Variants in SPATA13 observed in about 807,000 individuals in gnomAD.
SPATA13 encodes the protein spermatogenesis associated 13.
SPATA13 carries 50 observed loss-of-function variants against 104.0 expected under a neutral mutation model. That is an observed-to-expected ratio of 0.48 (90% CI 0.38 to 0.61). The LOEUF (loss-of-function observed/expected upper bound fraction) is 0.61. Ranked by LOEUF, SPATA13 falls within the 20% of genes least tolerant of loss-of-function variation. The pLI is 0.00. For synonymous variants in SPATA13, 606 were observed against 667.5 expected, an observed-to-expected ratio of 0.91 and a Z score of 1.42; for missense variants, 1,524 against 1,690.6, an observed-to-expected ratio of 0.90 and a Z score of 1.73.
chr13:24,251,255 G>T (rs2138663369), intron 3 of SPATA13, among the ~76,000 whole-genome samples: 1 of 152,306 alleles, frequency 6.6e-6, no homozygotes, highest in Non-Finnish European at 1.5e-5. Flanking sequence ...CTCTGTGTCG[G>T]TGGGGAGGAG....
rs190605153 is a variant in SPATA13 at position 24,233,966 on chromosome 13, A to C, written c.1653+9384A>C. Among the ~76,000 whole-genome samples the C allele has an allele frequency of 3.3e-5, 5 of 152,162 alleles. No homozygotes were observed. In the East Asian group the frequency reaches 9.6e-4, roughly 29 times the overall value. The stretch of plus-strand genomic sequence containing the variant: ...TTCTACAAATGCAGAATCTAAATAA[A>C]ATTATCGTATACCTGTAGTTTTGAA... On this transcript the variant is annotated intron_variant, in intron 2 of 12. Transcript: ENST00000382108.
intron 3 of SPATA13, among the ~76,000 whole-genome samples, chr13:24,057,592 G>A (rs1012668514): frequency 6.8e-6 from 1 of 146,548 alleles, no homozygotes; most frequent in African/African-American, 2.4e-5. Context: ...TACCTTGTTG[G>A]GGCATAAACT....
At chr13:24,017,132 A>G (rs935749395) in intron 2 of SPATA13, among the ~76,000 whole-genome samples, 1 of 152,208 alleles carries the variant, frequency 6.6e-6, no homozygotes, top group Non-Finnish European at 1.5e-5. Context: ...TAACATCAGT[A>G]GATGAGTGAG....
chr13:24,117,422 A>C (rs1417563277), intron 3 of SPATA13, among the ~76,000 whole-genome samples: 4 of 152,170 alleles, frequency 2.6e-5, no homozygotes, highest in East Asian at 3.8e-4. Context: ...CTATTATGCC[A>C]CTACAGATGA....
At position 24,223,077 on chromosome 13, in the gene SPATA13, G is replaced by A; in HGVS notation, c.148G>A (p.Gly50Arg). The A allele has an allele frequency of 1.3e-6, 2 of 1,551,728 alleles. No homozygotes were observed. Among genetic ancestry groups the A allele is most frequent in the African/African-American group, 2.7e-5 (2 of 73,174 alleles). The change falls in exon 2 of 13, where the codon GGA becomes AGA. Residue 50 changes from glycine (G) to arginine (R), a missense_variant. Physicochemically the swap from Gly to Arg is moderately radical, Grantham distance 125. Transcript: ENST00000382108. ...GGTGACCTCCCTTGCGTGTGGAAAT[G>A]GAGTCTGTGGCTGCAGCCCTGGTGG... ...KMVTSLACGN[G>R]VCGCSPGGDT...
intron 2 of SPATA13, among the ~76,000 whole-genome samples, chr13:24,246,828 A>G (rs976111633): frequency 6.6e-6 from 1 of 151,832 alleles, no homozygotes; most frequent in Non-Finnish European, 1.5e-5. Flanking sequence ...ACACCACTGC[A>G]CTCCAGCCTG....
At chr13:24,157,780 A>G (rs1271221625), upstream of SPATA13, among the ~76,000 whole-genome samples, 3 of 152,086 alleles carry the variant, frequency 2.0e-5, no homozygotes, top group Admixed American at 6.5e-5. Flanking sequence ...CTTCTCCCCA[A>G]CCCTGGGGGA....
chr13:24,145,870 GGA>G (rs1460764841), intron 3 of SPATA13, among the ~76,000 whole-genome samples: 2 of 152,208 alleles, frequency 1.3e-5, no homozygotes, highest in East Asian at 1.9e-4. Context: ...GGGGCTTGGA[GGA>G]GAGAGAGCTC....
intron 3 of SPATA13, among the ~76,000 whole-genome samples, chr13:24,111,498 TC>T (rs1274828995): frequency 6.7e-6 from 1 of 149,302 alleles, no homozygotes; most frequent in Non-Finnish European, 1.5e-5. Flanking sequence ...GCCTCAACCT[TC>T]CCAGCTCAAG....
chr13:24,257,325 C>T (rs1393188115), intron 4 of SPATA13, among the ~76,000 whole-genome samples: 1 of 152,160 alleles, frequency 6.6e-6, no homozygotes, highest in East Asian at 1.9e-4. Flanking sequence ...CACACCCGTG[C>T]ACCAAAGTCA....
At chr13:24,287,707 C>CA (rs1440044065) in intron 7 of SPATA13, among the ~76,000 whole-genome samples, 1 of 152,220 alleles carries the variant, frequency 6.6e-6, no homozygotes, top group Non-Finnish European at 1.5e-5. Flanking sequence ...ATTCTATTGT[C>CA]ATGCTATTCT....
Position 24,286,723 on chromosome 13 carries a change from T to G in SPATA13, c.2482-42T>G. The G allele has an allele frequency of 6.3e-7, 1 of 1,588,664 alleles. No individual in the cohort carries two copies. Among genetic ancestry groups the G allele is most frequent in the Non-Finnish European group, 8.6e-7 (1 of 1,163,810 alleles). ...CTCCTGCCTCTGCTCCATGCTGCCC[T>G]CCCCTGCCCCAAGTCACCTGTCCCC... is the stretch of plus-strand genomic sequence containing the variant. On this transcript the variant is annotated intron_variant, in intron 6 of 12. Coordinates refer to ENST00000382108, the MANE Select transcript of SPATA13 (RefSeq NM_001166271.3). This position sits in a 1 kb window ranked among gnomAD's most constrained non-coding sequence, Gnocchi z 4.9.
chr13:24,159,279 T>C (rs573285176), upstream of SPATA13, among the ~76,000 whole-genome samples: 3 of 152,346 alleles, frequency 2.0e-5, no homozygotes, highest in Admixed American at 2.0e-4. Flanking sequence ...GTTTGGTTTT[T>C]ATATTTTTTC....
chr13:24,165,320 T>A (rs904214545), intron 1 of SPATA13, among the ~76,000 whole-genome samples: 1 of 152,104 alleles, frequency 6.6e-6, no homozygotes, highest in African/African-American at 2.4e-5. Flanking sequence ...CCCACCAGCA[T>A]CCATCTGCAC....
At chr13:24,184,828 ACTT>A (rs1227394219) in intron 1 of SPATA13, among the ~76,000 whole-genome samples, 3 of 152,198 alleles carry the variant, frequency 2.0e-5, no homozygotes, top group African/African-American at 7.2e-5. Context: ...TTAATAAAAT[ACTT>A]CTTTAGTTAT....
At chr13:24,068,079 T>C (rs1239637306) in intron 3 of SPATA13, among the ~76,000 whole-genome samples, 1 of 152,082 alleles carries the variant, frequency 6.6e-6, no homozygotes, top group East Asian at 1.9e-4. Flanking sequence ...ATCATGGGGG[T>C]TTGTTGTACA....
At chr13:23,982,312 C>T (rs1222110394) in intron 1 of SPATA13, among the ~76,000 whole-genome samples, 1 of 152,140 alleles carries the variant, frequency 6.6e-6, no homozygotes, top group Non-Finnish European at 1.5e-5. Flanking sequence ...CCTGGGAAAC[C>T]TCTTTGAACT....
intron 3 of SPATA13, among the ~76,000 whole-genome samples, chr13:24,047,425 G>C (rs979856745): frequency 6.6e-6 from 1 of 152,172 alleles, no homozygotes; most frequent in Non-Finnish European, 1.5e-5. Context: ...ATTTTACAAA[G>C]GCAGTTTCGG....
chr13:23,987,001 CTGTGTG>C (rs113990315), intron 2 of SPATA13, among the ~76,000 whole-genome samples: 2,407 of 141,512 alleles, frequency 0.017, 75 homozygotes, highest in African/African-American at 0.059. Context: ...ATGGATATAT[CTGTGTG>C]TGTGTGTGTG....
Sources: gnomAD v4.1 joint callset for allele counts (sites outside exome capture counted in the v4.1 genomes callset) on GRCh38, gnomAD v4.1.1 for gene constraint, Gnocchi (gnomAD v3.1) non-coding constraint, MANE v1.5 for transcripts, NCBI Gene and HGNC (gene_info 2026-07-23, HGNC 2026-07-21) for gene names.